Variants in ADAMTS12 observed in about 807,000 individuals in gnomAD.
ADAMTS12 encodes the protein ADAM metallopeptidase with thrombospondin type 1 motif 12.
ADAMTS12 carries 118 observed loss-of-function variants against 167.8 expected under a neutral mutation model. The ratio of observed to expected loss-of-function variants is 0.70; its 90% CI spans 0.61 to 0.82. The LOEUF (loss-of-function observed/expected upper bound fraction) is 0.82. Ranked by LOEUF, ADAMTS12 falls within the 40% of genes least tolerant of loss-of-function variation. The pLI, the probability that ADAMTS12 is intolerant of heterozygous loss-of-function variation, is 0.00. For synonymous variants in ADAMTS12, 704 were observed against 716.9 expected, an observed-to-expected ratio of 0.98 and a Z score of 0.29; for missense variants, 1,916 against 1,998.8, an observed-to-expected ratio of 0.96 and a Z score of 0.79.
chr5:33,658,767 T>C (rs760904735), intron 6 of ADAMTS12, among the ~76,000 whole-genome samples: 3 of 152,162 alleles, frequency 2.0e-5, no homozygotes, highest in Non-Finnish European at 4.4e-5. Flanking sequence ...TAAGAACTTC[T>C]TTTTCCCATT....
chr5:33,546,114 G>A lies in ADAMTS12; in HGVS notation c.4391C>T (p.Thr1464Ile), dbSNP rs538002967. Reference protein sequence around the residue: ...LCDWTKRPTSTMSCNEHLCCH... With the variant: ...LCDWTKRPTSIMSCNEHLCCH... ...GCACAGGTGCTCATTGCAAGACATG[G>A]TGGATGTGGGTCTTTTTGTCCAATC... is the stretch of plus-strand genomic sequence containing the variant. The change falls in exon 22 of 24, where the codon ACC becomes ATC. Residue 1464 changes from threonine to isoleucine, a missense_variant. Transcript: ENST00000504830. 1 of 1,613,986 alleles carries A rather than the reference G, an allele frequency of 6.2e-7. No individual in the cohort carries two copies. The highest frequency in any genetic ancestry group is 1.1e-5 in the South Asian group (1 of 91,066).
chr5:33,670,296 ATTACTACACAT>A (rs1391536306), intron 5 of ADAMTS12, among the ~76,000 whole-genome samples: 1 of 152,208 alleles, frequency 6.6e-6, no homozygotes, highest in African/African-American at 2.4e-5. Flanking sequence ...ACAATGATAT[ATTACTACACAT>A]TTACCAGAAT....
chr5:33,753,554 T>G (rs535121673), intron 2 of ADAMTS12, among the ~76,000 whole-genome samples: 1 of 152,210 alleles, frequency 6.6e-6, no homozygotes, highest in South Asian at 2.1e-4. Context: ...CTAGGGGCCC[T>G]TAGTGTACCT....
chr5:33,803,096 G>A (rs1747072787), intron 2 of ADAMTS12, among the ~76,000 whole-genome samples: 1 of 151,360 alleles, frequency 6.6e-6, no homozygotes, highest in Non-Finnish European at 1.5e-5. Flanking sequence ...TCTCTAGAGG[G>A]CTAGGAAAAG....
intron 23 of ADAMTS12, among the ~76,000 whole-genome samples, chr5:33,530,082 G>A (rs1744021463): frequency 8.1e-6 from 1 of 123,768 alleles, no homozygotes; most frequent in Non-Finnish European, 1.6e-5. Flanking sequence ...ACCATGCCCA[G>A]CTAATTTTTT....
intron 18 of ADAMTS12, among the ~76,000 whole-genome samples, chr5:33,584,533 G>A (rs1025732665): frequency 6.6e-6 from 1 of 152,172 alleles, no homozygotes; most frequent in African/African-American, 2.4e-5. Flanking sequence ...ATTTGGGTAC[G>A]ACTGATTGAA....
chr5:33,783,457 A>G (rs913272399), intron 2 of ADAMTS12, among the ~76,000 whole-genome samples: 1 of 151,826 alleles, frequency 6.6e-6, no homozygotes, highest in African/African-American at 2.4e-5. Context: ...AGGTTCTTTG[A>G]CAAAATCAGC....
intron 2 of ADAMTS12, among the ~76,000 whole-genome samples, chr5:33,864,408 A>G (rs1749732529): frequency 6.6e-6 from 1 of 152,234 alleles, no homozygotes; most frequent in Non-Finnish European, 1.5e-5. Context: ...AATTAGTTCA[A>G]CCATTGTGGA....
rs113503876 is a variant in ADAMTS12 at position 33,718,448 on chromosome 5, A to G, written c.634+32956T>C. Among the ~76,000 whole-genome samples the G allele has an allele frequency of 1.1e-3, 164 of 152,264 alleles. 1 individual carries two copies. The highest frequency in any genetic ancestry group is 3.7e-3 in the African/African-American group (154 of 41,586). On this transcript the variant is annotated intron_variant, in intron 3 of 23. Coordinates refer to ENST00000504830, the MANE Select transcript of ADAMTS12 (RefSeq NM_030955.4). ...AGCAGCAGCATTAGATTCTCATAGGAATGTGAACCCTATTCTGCACTGTAT... is the reference window on the plus strand; with the variant it reads ...AGCAGCAGCATTAGATTCTCATAGGGATGTGAACCCTATTCTGCACTGTAT...
At chr5:33,686,755 ACCTC>A (rs1239768994) in intron 3 of ADAMTS12, among the ~76,000 whole-genome samples, 1 of 148,728 alleles carries the variant, frequency 6.7e-6, no homozygotes, top group Non-Finnish European at 1.5e-5. Flanking sequence ...AGATATATAC[ACCTC>A]TCTCTCTATA....
chr5:33,874,201 T>G (rs563627581), intron 2 of ADAMTS12, among the ~76,000 whole-genome samples: 3 of 152,128 alleles, frequency 2.0e-5, no homozygotes, highest in Non-Finnish European at 4.4e-5. Context: ...CTGTCAAAAT[T>G]TACAAAGAAC....
chr5:33,540,776 G>C (rs1579638596), intron 22 of ADAMTS12, among the ~76,000 whole-genome samples: 1 of 152,160 alleles, frequency 6.6e-6, no homozygotes, highest in Non-Finnish European at 1.5e-5. Context: ...AAACAGAAAG[G>C]AATAGCATCA....
chr5:33,636,953 TA>T (rs1220365919), intron 12 of ADAMTS12, among the ~76,000 whole-genome samples: 1 of 152,220 alleles, frequency 6.6e-6, no homozygotes, highest in Non-Finnish European at 1.5e-5. Context: ...TGTTTGATTT[TA>T]CTTTTCACCC....
At chr5:33,797,285 G>A (rs998932496) in intron 2 of ADAMTS12, among the ~76,000 whole-genome samples, 1 of 152,062 alleles carries the variant, frequency 6.6e-6, no homozygotes, top group East Asian at 1.9e-4. Context: ...GAGGGCTCCT[G>A]CCCTATAAAA....
intron 3 of ADAMTS12, among the ~76,000 whole-genome samples, chr5:33,704,496 T>C (rs1743114990): frequency 6.6e-6 from 1 of 152,186 alleles, no homozygotes; most frequent in African/African-American, 2.4e-5. Flanking sequence ...TATCCACATC[T>C]TCACTAGCAT....
At chr5:33,616,170 CATCATTTAGTG>C (rs1739003417) in intron 14 of ADAMTS12, 98 bp from the exon 15 acceptor site, 1 of 1,493,990 alleles carries the variant, frequency 6.7e-7, no homozygotes, top group Non-Finnish European at 8.9e-7. Flanking sequence ...CCAGCCTCCC[CATCATTTAGTG>C]ACCTTGCTGG....
intron 2 of ADAMTS12, among the ~76,000 whole-genome samples, chr5:33,869,685 C>G (rs1749963267): frequency 6.6e-6 from 1 of 152,144 alleles, no homozygotes; most frequent in South Asian, 2.1e-4. Flanking sequence ...AATAAAATAT[C>G]ACAAGGCAGA....
intron 20 of ADAMTS12, among the ~76,000 whole-genome samples, chr5:33,560,199 T>C (rs2111884115): frequency 6.6e-6 from 1 of 152,320 alleles, no homozygotes; most frequent in African/African-American, 2.4e-5. Flanking sequence ...TAATAAAAAC[T>C]CTGTACTTCT....
intron 2 of ADAMTS12, among the ~76,000 whole-genome samples, chr5:33,780,182 T>A (rs1221083832): frequency 6.6e-6 from 1 of 152,180 alleles, no homozygotes; most frequent in Non-Finnish European, 1.5e-5. Flanking sequence ...AGAAAATTAA[T>A]CCATGAAGAG....
Sources: allele counts gnomAD v4.1 joint callset (sites outside exome capture counted in the v4.1 genomes callset), GRCh38; gene constraint gnomAD v4.1.1; transcripts MANE v1.5; gene names NCBI Gene and HGNC (gene_info 2026-07-23, HGNC 2026-07-21).